CD44: variants seen among roughly 807,000 people sequenced by gnomAD.
The protein encoded by CD44 is CD44 molecule (IN blood group).
In CD44, 49 loss-of-function variants were observed where a neutral mutation model predicts 88.8. The observed-to-expected ratio is 0.55, with a 90% CI of 0.44 to 0.70. The LOEUF (loss-of-function observed/expected upper bound fraction) is 0.70. CD44 is among the 30% of genes least tolerant of loss of function. CD44 has a pLI of 0.00. For missense variants in CD44, 883 were observed against 913.8 expected (o/e 0.97, Z 0.43); for synonymous variants, 325 against 312.3 (o/e 1.04, Z -0.43).
intron 16 of CD44, 98 bp downstream of exon 16, chr11:35,219,485 A>G: frequency 1.3e-6 from 1 of 789,790 alleles, no homozygotes; most frequent in Admixed American, 2.0e-5. Flanking sequence ...CACATTCTCC[A>G]CAATGCCCAA....
In CD44 at chr11:35,206,249, A is replaced by T. The variant is rs1369803640; in HGVS notation, c.1414+6A>T. The stretch of plus-strand genomic sequence containing the variant: ...TCAAGCAGGAAGAAGGATGGGTAAT[A>T]GCCTCTGAGATTTTTATATATTATG... On this transcript the variant is annotated splice_donor_region_variant and intron_variant, in intron 11 of 17. Transcript: ENST00000428726. 2.5e-6 allele frequency: 4 copies of T among 1,587,356 alleles called. No homozygotes were observed. Among genetic ancestry groups the T allele is most frequent in the South Asian group, 1.2e-5 (1 of 86,222 alleles).
chr11:35,223,382 C>A, intron 17 of CD44: 1 of 644,302 alleles, frequency 1.6e-6, no homozygotes, highest in Non-Finnish European at 1.9e-6. Flanking sequence ...CTCACATACA[C>A]AGTCCATAAG....
At chr11:35,143,260 C>T (rs1858375129) in intron 1 of CD44, among the ~76,000 whole-genome samples, 1 of 151,668 alleles carries the variant, frequency 6.6e-6, no homozygotes, top group Admixed American at 6.6e-5. Context: ...GTCAGGAGCA[C>T]CAAAGTTTTA....
At chr11:35,190,598 A>G (rs982119030) in intron 5 of CD44, among the ~76,000 whole-genome samples, 10 of 152,252 alleles carry the variant, frequency 6.6e-5, no homozygotes, top group African/African-American at 2.4e-4. Flanking sequence ...CCACATGCTT[A>G]GCTTTCCAAT....
At position 35,208,222 on chromosome 11, in the gene CD44, C is replaced by A. The variant is rs775079440; in HGVS notation, c.1516+16C>A. ...ATGACAACGCGTAAGAATAACGATG[C>A]TCAGCCACTTTATTGACTTGTATTC... On this transcript the variant is annotated intron_variant, in intron 12 of 17. Coordinates refer to ENST00000428726, the MANE Select transcript of CD44 (RefSeq NM_000610.4). 1.9e-5 allele frequency: 28 copies of A among 1,509,768 alleles called. No homozygotes were observed. Among genetic ancestry groups the A allele is most frequent in the South Asian group, 7.9e-5 (7 of 88,906 alleles). The allele number at this position is 1,509,768 out of a possible 1,614,324, so 93.5% of individuals were successfully genotyped here. A position where few individuals can be genotyped will look rare whatever the true frequency, so the allele number is the denominator to read the frequency against.
chr11:35,214,496 C>T (rs544997593), intron 14 of CD44, among the ~76,000 whole-genome samples: 22 of 152,180 alleles, frequency 1.4e-4, no homozygotes, highest in Non-Finnish European at 2.6e-4. Flanking sequence ...TGTCTAGTCT[C>T]AACCTCATAC....
At chr11:35,199,824 A>G (rs1316976850) in intron 7 of CD44, among the ~76,000 whole-genome samples, 3 of 151,862 alleles carry the variant, frequency 2.0e-5, no homozygotes, top group African/African-American at 7.3e-5. Context: ...ATCAGTAAAT[A>G]CGTGGTCTTG....
intron 1 of CD44, among the ~76,000 whole-genome samples, chr11:35,147,170 A>G (rs1299045432): frequency 6.6e-6 from 1 of 152,218 alleles, no homozygotes; most frequent in Non-Finnish European, 1.5e-5. Flanking sequence ...GTGTTTCTCC[A>G]TCAGCTAGAA....
At chr11:35,181,510 G>A (rs905034036) in intron 3 of CD44, among the ~76,000 whole-genome samples, 5 of 151,432 alleles carry the variant, frequency 3.3e-5, no homozygotes, top group African/African-American at 4.9e-5. Context: ...CCCATGGAAG[G>A]TTTGAAGTTG....
At chr11:35,184,015 T>A (rs1945413562) in intron 3 of CD44, among the ~76,000 whole-genome samples, 1 of 152,184 alleles carries the variant, frequency 6.6e-6, no homozygotes, top group Non-Finnish European at 1.5e-5. Flanking sequence ...TTTTGGTGTG[T>A]TGAAGCCAAG....
chr11:35,178,957 T>C (rs922709400), intron 2 of CD44, among the ~76,000 whole-genome samples: 3 of 152,220 alleles, frequency 2.0e-5, no homozygotes, highest in African/African-American at 4.8e-5. Flanking sequence ...GATAAAACCT[T>C]AGCAGCTACT....
chr11:35,218,947 G>A lies in CD44; in HGVS notation c.1874-369G>A, dbSNP rs572804995. 1.5e-4 allele frequency: 30 copies of A among 203,176 alleles called. 1 individual carries two copies. In the South Asian group the frequency reaches 3.0e-3, roughly 20 times the overall value. The allele number at this position is 203,176 out of a possible 1,614,324, so 12.6% of individuals were successfully genotyped here. On this transcript the variant is annotated intron_variant, in intron 15 of 17. Transcript: ENST00000428726. The stretch of plus-strand genomic sequence containing the variant: ...CAGCATTCTGTTATCCCCATCTTAC[G>A]AGTGTGAAAAGGGAGACTTGGAGAA...
At position 35,231,937 on chromosome 11, in the gene CD44, C is replaced by T. The variant is rs1950079299; in HGVS notation, c.*2604C>T. 6.6e-6 allele frequency: 1 copy of T among 152,164 alleles called. No individual in the cohort carries two copies. Among genetic ancestry groups the T allele is most frequent in the African/African-American group, 2.4e-5 (1 of 41,446 alleles). 9.4% of individuals were successfully genotyped at this position (152,164 alleles called of 1,614,324 possible). A position where few individuals can be genotyped will look rare whatever the true frequency, so the allele number is the denominator to read the frequency against. ...AATCAAAAGAGACAAAAGACATCTT[C>T]GAATCCATATTTCAAGCCTGGTAGA... On this transcript the variant is annotated 3_prime_UTR_variant, in exon 18 of 18. Coordinates refer to ENST00000428726, the MANE Select transcript of CD44 (RefSeq NM_000610.4).
chr11:35,208,625 C>T lies in CD44; in HGVS notation c.1516+419C>T, dbSNP rs369204642. ...TGGTTGTAAAAAGACATTTTTGGGG[C>T]CAGATAATCCTAGAGATCACATCAG... On this transcript the variant is annotated intron_variant, in intron 12 of 17. Transcript: ENST00000428726. Among the ~76,000 whole-genome samples the T allele has an allele frequency of 3.3e-5, 5 of 152,150 alleles. No individual in the cohort carries two copies. The East Asian group carries it at 5.8e-4, about 18-fold the overall frequency.
At chr11:35,187,124 A>C (rs896417982) in intron 4 of CD44, among the ~76,000 whole-genome samples, 6 of 152,068 alleles carry the variant, frequency 3.9e-5, no homozygotes, top group African/African-American at 1.4e-4. Context: ...AATACAAAAA[A>C]TTAGCTGGGC....
At chr11:35,155,618 TATA>T (rs1941761618) in intron 1 of CD44, among the ~76,000 whole-genome samples, 1 of 152,208 alleles carries the variant, frequency 6.6e-6, no homozygotes, top group South Asian at 2.1e-4. Context: ...TTAAATCTGT[TATA>T]ATTTACAAGA....
At chr11:35,213,888 C>T (rs889564091) in intron 14 of CD44, 20 of 152,254 alleles carry the variant, frequency 1.3e-4, no homozygotes, top group African/African-American at 4.8e-4. Context: ...CACCCGCTTC[C>T]ACCTTCTCTA....
At chr11:35,153,932 GA>G (rs576118887) in intron 1 of CD44, among the ~76,000 whole-genome samples, 229 of 152,058 alleles carry the variant, frequency 1.5e-3, no homozygotes, top group Admixed American at 6.1e-3. Context: ...AAGAAAGCAA[GA>G]AAAAAAATTT....
chr11:35,149,235 G>A (rs542120462), intron 1 of CD44, among the ~76,000 whole-genome samples: 1 of 152,340 alleles, frequency 6.6e-6, no homozygotes, highest in South Asian at 2.1e-4. Context: ...TAAAAGGGCA[G>A]TTGTTTCTTT....
Sources: allele counts gnomAD v4.1 joint callset (sites outside exome capture counted in the v4.1 genomes callset), GRCh38; gene constraint gnomAD v4.1.1; transcripts MANE v1.5; gene names NCBI Gene and HGNC (gene_info 2026-07-23, HGNC 2026-07-21).